NME7: variants seen among roughly 807,000 people sequenced by gnomAD.
The protein encoded by NME7 is NME/NM23 family member 7.
In NME7, 41 loss-of-function variants were observed where a neutral mutation model predicts 49.1. That is an observed-to-expected ratio of 0.83 (90% CI 0.65 to 1.08). NME7 has a LOEUF of 1.08. Among genes scored for constraint, NME7 ranks in the 50% least tolerant of loss-of-function variants. The pLI, the probability that NME7 is intolerant of heterozygous loss-of-function variation, is 0.00. For synonymous variants in NME7, 139 were observed against 150.6 expected, an observed-to-expected ratio of 0.92 and a Z score of 0.56; for missense variants, 423 against 463.4, an observed-to-expected ratio of 0.91 and a Z score of 0.80.
At chr1:169,201,391 A>G (rs935094108) in intron 10 of NME7, among the ~76,000 whole-genome samples, 1 of 152,140 alleles carries the variant, frequency 6.6e-6, no homozygotes, top group Non-Finnish European at 1.5e-5. Context: ...CTAGATTTAC[A>G]TTTTAAAAAG....
intron 6 of NME7, among the ~76,000 whole-genome samples, chr1:169,296,817 T>G (rs766840028): frequency 1.3e-5 from 2 of 152,070 alleles, no homozygotes; most frequent in Non-Finnish European, 2.9e-5. Context: ...TAGCAGAAAA[T>G]CTTGTTTATT....
chr1:169,361,825 A>AT (rs1411460639), intron 1 of NME7, among the ~76,000 whole-genome samples: 1 of 152,048 alleles, frequency 6.6e-6, no homozygotes, highest in African/African-American at 2.4e-5. Context: ...CAGAAAAGCT[A>AT]TTAGGAGAAA....
chr1:169,351,646 C>T (rs1316443589), intron 1 of NME7, among the ~76,000 whole-genome samples: 1 of 150,578 alleles, frequency 6.6e-6, no homozygotes, highest in Non-Finnish European at 1.5e-5. Flanking sequence ...AAAGTTGGTT[C>T]CTTGAAAAGA....
chr1:169,317,922 G>C (rs7533257), intron 3 of NME7, among the ~76,000 whole-genome samples: 1 of 151,994 alleles, frequency 6.6e-6, no homozygotes, highest in African/African-American at 2.4e-5. Flanking sequence ...TTTGTGGCCC[G>C]ACCTCTTTTT....
chr1:169,141,533 G>A (rs1468173087), intron 11 of NME7, among the ~76,000 whole-genome samples: 1 of 152,050 alleles, frequency 6.6e-6, no homozygotes, highest in African/African-American at 2.4e-5. Context: ...TGCTGTCTAC[G>A]AGGCCATCAA....
intron 7 of NME7, among the ~76,000 whole-genome samples, chr1:169,269,949 T>C (rs12036968): frequency 0.14 from 18,900 of 132,806 alleles, 4,648 homozygotes; most frequent in Admixed American, 0.16. Context: ...CTCTCTCTTT[T>C]TAATATAGAC....
intron 3 of NME7, among the ~76,000 whole-genome samples, chr1:169,311,350 C>T (rs926889087): frequency 1.4e-5 from 2 of 142,074 alleles, no homozygotes; most frequent in African/African-American, 2.6e-5. Flanking sequence ...ACCCGGGGGT[C>T]GGAGCCTGCA....
At chr1:169,300,024 C>G (rs931644753) in intron 5 of NME7, among the ~76,000 whole-genome samples, 2 of 152,120 alleles carry the variant, frequency 1.3e-5, no homozygotes, top group Non-Finnish European at 2.9e-5. Flanking sequence ...TCAAAACACA[C>G]AATTGAATAA....
chr1:169,244,470 A>C (rs1363559437), intron 7 of NME7, among the ~76,000 whole-genome samples: 1 of 151,650 alleles, frequency 6.6e-6, no homozygotes, highest in East Asian at 1.9e-4. Flanking sequence ...CATCTCTACT[A>C]AACAAAATAC....
At chr1:169,147,818 T>G (rs187856397) in intron 11 of NME7, among the ~76,000 whole-genome samples, 1 of 152,230 alleles carries the variant, frequency 6.6e-6, no homozygotes, top group Non-Finnish European at 1.5e-5. Context: ...GTGGATAAGA[T>G]ACTTTCAAGA....
At chr1:169,207,274 C>T (rs1660698429) in intron 10 of NME7, among the ~76,000 whole-genome samples, 2 of 152,120 alleles carry the variant, frequency 1.3e-5, no homozygotes, top group African/African-American at 4.8e-5. Flanking sequence ...TCAGTCATTA[C>T]CCTGAGGATG....
At chr1:169,284,481 T>A (rs894694315) in intron 7 of NME7, 3 of 152,144 alleles carry the variant, frequency 2.0e-5, no homozygotes, top group Non-Finnish European at 4.4e-5. Context: ...TTCCAGATAT[T>A]AAACCTTTGT....
intron 11 of NME7, among the ~76,000 whole-genome samples, chr1:169,142,733 C>T (rs1205415896): frequency 6.6e-6 from 1 of 152,078 alleles, no homozygotes; most frequent in Non-Finnish European, 1.5e-5. Context: ...TCCTCAAAAC[C>T]TAGAATCATG....
rs11578912 is a variant in NME7, at chr1:169,303,913, T to A, written c.390-718A>T. ...TCATTTTTTTCCACAGGCTTTAAAC[T>A]TAAGAGCTTAGGCTAGAATTTTAAT... On this transcript the variant is annotated intron_variant, in intron 4 of 11. Coordinates refer to ENST00000367811, the MANE Select transcript of NME7 (RefSeq NM_013330.5). 2.5e-3 allele frequency among the ~76,000 whole-genome samples: 388 copies of A among 152,364 alleles called. 1 individual carries two copies. The highest frequency in any genetic ancestry group is 4.7e-3 in the Non-Finnish European group (323 of 68,022).
intron 4 of NME7, chr1:169,303,455 C>CTT (rs969800387): frequency 2.2e-3 from 248 of 113,428 alleles, no homozygotes; most frequent in South Asian, 5.5e-3. Context: ...CTATCTTCTT[C>CTT]TTTTTTTTTT....
intron 10 of NME7, among the ~76,000 whole-genome samples, chr1:169,229,723 G>A (rs1647514378): frequency 6.6e-6 from 1 of 152,114 alleles, no homozygotes; most frequent in African/African-American, 2.4e-5. Flanking sequence ...CACTTTGGGA[G>A]GCCGAGACAG....
At chr1:169,257,203 G>A (rs146313196) in intron 7 of NME7, among the ~76,000 whole-genome samples, 14,980 of 133,622 alleles carry the variant, frequency 0.11, 3,829 homozygotes, top group East Asian at 0.75. Context: ...CTGCTGTGCT[G>A]GCAATCGGCG....
chr1:169,348,490 C>A (rs888147382), intron 1 of NME7, among the ~76,000 whole-genome samples: 2 of 151,970 alleles, frequency 1.3e-5, no homozygotes, highest in African/African-American at 4.8e-5. Context: ...GAGAAATAAT[C>A]TGTGATACTG....
At chr1:169,313,954 G>C (rs12129567) in intron 3 of NME7, among the ~76,000 whole-genome samples, 2 of 151,724 alleles carry the variant, frequency 1.3e-5, no homozygotes, top group African/African-American at 2.4e-5. Flanking sequence ...CTAGATAAAG[G>C]GTTTGACAGA....
Sources: allele counts gnomAD v4.1 joint callset (sites outside exome capture counted in the v4.1 genomes callset), GRCh38; gene constraint gnomAD v4.1.1; transcripts MANE v1.5; gene names NCBI Gene and HGNC (gene_info 2026-07-23, HGNC 2026-07-21).